Variants in ABI2 observed in about 807,000 individuals in gnomAD.
The protein encoded by ABI2 is abelson interactor 2.
ABI2 carries 25 observed loss-of-function variants against 59.2 expected under a neutral mutation model. The observed-to-expected ratio is 0.42, with a 90% confidence interval of 0.31 to 0.59. The LOEUF (loss-of-function observed/expected upper bound fraction) is 0.59, where lower values mean the gene tolerates loss of function less well. Ranked by LOEUF, ABI2 falls within the 20% of genes least tolerant of loss-of-function variation. The pLI, the probability that ABI2 is intolerant of heterozygous loss-of-function variation, is 0.14. For synonymous variants in ABI2, 213 were observed against 235.5 expected (o/e 0.90, Z 0.87); for missense variants, 545 against 681.8 (o/e 0.80, Z 2.23).
chr2:203,365,974 CTTTGTTTATT>C (rs575245875), intron 1 of ABI2, among the ~76,000 whole-genome samples: 21 of 151,972 alleles, frequency 1.4e-4, no homozygotes, highest in East Asian at 7.7e-4. Context: ...GTATTTTTAT[CTTTGTTTATT>C]TTTGTTTTTT....
rs568203787 is a variant in ABI2 at position 203,429,191 on chromosome 2, G to C, written c.*1839G>C. On this transcript the variant is annotated 3_prime_UTR_variant, in exon 12 of 12. Transcript: ENST00000261018. ...ATTAGCTTTCATTAACTTGCCTCCA[G>C]TATACATTCCACTTCGTGCTTTTCT... 5.3e-5 allele frequency: 8 copies of C among 152,236 alleles called. No individual in the cohort carries two copies. Among genetic ancestry groups the C allele is most frequent in the African/African-American group, 1.9e-4 (8 of 41,522 alleles). 9.4% of individuals were successfully genotyped at this position (152,236 alleles called of 1,614,324 possible). A position where few individuals can be genotyped will look rare whatever the true frequency, so the allele number is the denominator to read the frequency against.
chr2:203,376,194 T>C, intron 2 of ABI2: 1 of 1,321,294 alleles, frequency 7.6e-7, no homozygotes, highest in East Asian at 2.6e-5. Flanking sequence ...AGGGAAGTTT[T>C]GCCCCCAAGG....
At chr2:203,338,979 TATAA>T (rs1559154709) in intron 1 of ABI2, among the ~76,000 whole-genome samples, 190 of 11,580 alleles carry the variant, frequency 0.016, 20 homozygotes, top group East Asian at 0.027. Flanking sequence ...TATATATATA[TATAA>T]ATATATATAT....
intron 1 of ABI2, among the ~76,000 whole-genome samples, chr2:203,344,123 A>G (rs978874611): frequency 6.6e-6 from 1 of 152,154 alleles, no homozygotes; most frequent in Non-Finnish European, 1.5e-5. Flanking sequence ...TCATTTATAT[A>G]TTTCCATTTG....
intron 1 of ABI2, among the ~76,000 whole-genome samples, chr2:203,335,761 C>G (rs1007652592): frequency 2.6e-5 from 4 of 152,054 alleles, no homozygotes; most frequent in African/African-American, 9.7e-5. Context: ...GAGGTAACAG[C>G]TTTGTTTTGA....
At chr2:203,366,836 T>A (rs754231144) in intron 1 of ABI2, 41 bp from the exon 2 acceptor site, 2 of 1,503,968 alleles carry the variant, frequency 1.3e-6, no homozygotes, top group African/African-American at 2.8e-5. Context: ...AGAAATGGGT[T>A]ATTTTTGAAT....
In ABI2 at chr2:203,328,443, G is replaced by T; in HGVS notation, c.-72G>T. On this transcript the variant is annotated 5_prime_UTR_variant, in exon 1 of 12. Coordinates refer to ENST00000261018, the MANE Select transcript of ABI2 (RefSeq NM_001375670.1). ...CCGCCGCTCCTCCTCTCCCGGTCCT[G>T]GGTTTCCTTGGCGCTGCGGCCGCCG... The T allele has an allele frequency of 7.7e-7, 1 of 1,291,884 alleles. No homozygotes were observed. Among genetic ancestry groups the T allele is most frequent in the Non-Finnish European group, 1.1e-6 (1 of 920,932 alleles). The allele number at this position is 1,291,884 out of a possible 1,614,324, so 80.0% of individuals were successfully genotyped here.
intron 2 of ABI2, among the ~76,000 whole-genome samples, chr2:203,377,385 C>T (rs963460546): frequency 1.3e-5 from 2 of 152,088 alleles, no homozygotes; most frequent in Non-Finnish European, 2.9e-5. Context: ...TATGGCTGCT[C>T]AGGTTTACAC....
At chr2:203,392,074 C>G (rs954169408) in intron 5 of ABI2, among the ~76,000 whole-genome samples, 1 of 152,016 alleles carries the variant, frequency 6.6e-6, no homozygotes, top group African/African-American at 2.4e-5. Context: ...AGTCAGCTGC[C>G]AAGAATTCAG....
chr2:203,409,638 A>G (rs536903292), intron 9 of ABI2, among the ~76,000 whole-genome samples: 4 of 152,294 alleles, frequency 2.6e-5, no homozygotes, highest in Admixed American at 6.5e-5. Flanking sequence ...TTAATTGCCA[A>G]CTACTCTCTT....
chr2:203,331,367 T>TTTTTTTTTTTTG (rs1198154445), intron 1 of ABI2, among the ~76,000 whole-genome samples: 1 of 146,290 alleles, frequency 6.8e-6, no homozygotes, highest in African/African-American at 2.5e-5. Flanking sequence ...TTTTTTTTTT[T>TTTTTTTTTTTTG]TCTGAGACAG....
In ABI2 at chr2:203,338,984, A is replaced by G. The variant is rs1462100548; in HGVS notation, c.117+10353A>G. On this transcript the variant is annotated intron_variant, in intron 1 of 11. Coordinates refer to ENST00000261018, the MANE Select transcript of ABI2 (RefSeq NM_001375670.1). ...TATAAATATATATATATATATATAA[A>G]TATATATATATATATATATATATAA... 9.1e-4 allele frequency among the ~76,000 whole-genome samples: 34 copies of G among 37,512 alleles called. 4 individuals are homozygous for G. Among genetic ancestry groups the G allele is most frequent in the East Asian group, 3.7e-3 (4 of 1,072 alleles). The allele number at this position is 37,512 out of a possible 152,430, so 24.6% of individuals were successfully genotyped here.
intron 1 of ABI2, among the ~76,000 whole-genome samples, chr2:203,349,304 T>G (rs1299736433): frequency 6.6e-6 from 1 of 152,190 alleles, no homozygotes; most frequent in Non-Finnish European, 1.5e-5. Context: ...GTTTTCCTGA[T>G]TAATCACAAA....
intron 11 of ABI2, among the ~76,000 whole-genome samples, chr2:203,422,728 G>A (rs2098270841): frequency 6.6e-6 from 1 of 152,128 alleles, no homozygotes; most frequent in Non-Finnish European, 1.5e-5. Flanking sequence ...CATTGGAGTG[G>A]TAGGGGCAGA....
intron 1 of ABI2, among the ~76,000 whole-genome samples, chr2:203,344,107 T>TA (rs1219518687): frequency 6.6e-6 from 1 of 152,180 alleles, no homozygotes; most frequent in Non-Finnish European, 1.5e-5. Context: ...TGTCAAATGT[T>TA]ACTATTCATT....
intron 1 of ABI2, among the ~76,000 whole-genome samples, chr2:203,336,624 T>C (rs1446949263): frequency 2.0e-5 from 3 of 152,176 alleles, no homozygotes; most frequent in African/African-American, 7.2e-5. Context: ...CATTGGCTCC[T>C]CCGCAACAGA....
intron 1 of ABI2, among the ~76,000 whole-genome samples, chr2:203,349,026 G>A (rs1403958020): frequency 1.3e-5 from 2 of 150,768 alleles, no homozygotes; most frequent in African/African-American, 4.9e-5. Context: ...TCTACCTCGT[G>A]GGTTCAAGTG....
Position 203,342,138 on chromosome 2 carries a change from A to G in ABI2, c.117+13507A>G, listed in dbSNP as rs949239719. 5 of 445,012 alleles carry G rather than the reference A, an allele frequency of 1.1e-5. No individual in the cohort carries two copies. The East Asian group carries it at 2.8e-4, about 25-fold the overall frequency. 27.6% of individuals were successfully genotyped at this position (445,012 alleles called of 1,614,324 possible). On this transcript the variant is annotated intron_variant, in intron 1 of 11. Transcript: ENST00000261018. ...AATTTTTGTTGAGTAAAATGAACTT[A>G]TGACTCACACCATTTATTTTATTAT... is the stretch of plus-strand genomic sequence containing the variant.
intron 9 of ABI2, among the ~76,000 whole-genome samples, chr2:203,407,501 T>C (rs750313767): frequency 3.3e-5 from 5 of 152,216 alleles, no homozygotes; most frequent in Non-Finnish European, 7.3e-5. Flanking sequence ...CTTTTTGAAT[T>C]GGACATCTAA....
Sources: gnomAD v4.1 joint callset for allele counts (sites outside exome capture counted in the v4.1 genomes callset) on GRCh38, gnomAD v4.1.1 for gene constraint, MANE v1.5 for transcripts, NCBI Gene and HGNC (gene_info 2026-07-23, HGNC 2026-07-21) for gene names.